Variants in PDCD5 observed in about 807,000 individuals in gnomAD.
PDCD5 encodes the protein programmed cell death 5.
A neutral mutation model predicts 21.9 loss-of-function variants in PDCD5; 23 were observed. That is an observed-to-expected ratio of 1.05 (90% CI 0.76 to 1.49). The LOEUF (loss-of-function observed/expected upper bound fraction) is 1.49, where lower values mean the gene tolerates loss of function less well. Among genes scored for constraint, PDCD5 ranks in the 40% most tolerant of loss-of-function variants. The pLI is 0.00. For synonymous variants in PDCD5, 45 were observed against 49.4 expected (o/e 0.91, Z 0.37); for missense variants, 152 against 147.7 (o/e 1.03, Z -0.15).
At position 32,582,190 on chromosome 19, in the gene PDCD5, T is replaced by TC. The variant is rs71176137; in HGVS notation, c.67-3dup. 1.1e-5 allele frequency: 17 copies of TC among 1,608,542 alleles called. No homozygotes were observed. In the African/African-American group the frequency reaches 1.5e-4, roughly 14 times the overall value. On this transcript the variant is annotated splice_region_variant and splice_polypyrimidine_tract_variant and intron_variant, in intron 1 of 5. Transcript: ENST00000590247. ...CTCTATTAAATTTAAGTTTTTTTTT[T>TC]CCAGGATCCTGGTGATGCGGCCCAA...
chr19:32,586,433 G>C, intron 4 of PDCD5: 1 of 1,127,918 alleles, frequency 8.9e-7, no homozygotes, highest in Non-Finnish European at 1.1e-6. Context: ...AGAACTGCTT[G>C]TGTGGGAGAG....
intron 2 of PDCD5, among the ~76,000 whole-genome samples, chr19:32,583,613 C>T (rs1461207127): frequency 6.6e-6 from 1 of 151,854 alleles, no homozygotes; most frequent in Admixed American, 6.6e-5. Flanking sequence ...TTTAGAGATA[C>T]GTAAAACTAT....
intron 5 of PDCD5, 140 bp downstream of exon 5, chr19:32,587,069 C>A (rs2145243259): frequency 1.1e-6 from 1 of 877,550 alleles, no homozygotes; most frequent in Non-Finnish European, 1.8e-6. Context: ...GGGAGAAAGG[C>A]TGAATCTGTT....
At chr19:32,586,460 C>A in intron 4 of PDCD5, 1 of 1,105,794 alleles carries the variant, frequency 9.0e-7, no homozygotes, top group Admixed American at 4.7e-5. Context: ...TTGGGTTGAT[C>A]TTTTCCGAGT....
At position 32,582,169 on chromosome 19, in the gene PDCD5, A is replaced by C. The variant is rs80289174; in HGVS notation, c.67-26A>C. 8.1e-4 allele frequency: 1,278 copies of C among 1,577,116 alleles called. 14 individuals are homozygous for C. The African/African-American group carries it at 0.016, about 19-fold the overall frequency. On this transcript the variant is annotated intron_variant, in intron 1 of 5. Coordinates refer to ENST00000590247, the MANE Select transcript of PDCD5 (RefSeq NM_004708.4). The stretch of plus-strand genomic sequence containing the variant: ...CCGCCGCCTCCCGTGAAATTTCTCT[A>C]TTAAATTTAAGTTTTTTTTTTCCAG...
chr19:32,587,104 G>A (rs1971484561), intron 5 of PDCD5, 149 bp from the exon 6 acceptor site: 3 of 789,126 alleles, frequency 3.8e-6, no homozygotes, highest in Middle Eastern at 2.4e-4. Flanking sequence ...ATTTTTATAG[G>A]CTCTTGACTC....
rs1043856377 is a variant in PDCD5, at chr19:32,586,888, A to C, written c.289A>C (p.Lys97Gln). 1.2e-6 allele frequency: 2 copies of C among 1,612,050 alleles called. No individual in the cohort carries two copies. The highest frequency in any genetic ancestry group is 1.3e-5 in the African/African-American group (1 of 74,820). ...AGAACAAGGTTTAATAGAAATCCTT[A>C]AAAAAGTAAGCCAACAAACAGAAAA... ...VSEQGLIEIL[K>Q]KVSQQTEKTT... The change falls in exon 5 of 6, where the codon AAA becomes CAA. Residue 97 changes from lysine to glutamine, a missense_variant. By Grantham distance (53) the Lys-to-Gln change is moderately conservative. Transcript: ENST00000590247.
intron 2 of PDCD5, among the ~76,000 whole-genome samples, chr19:32,583,130 C>G (rs2145238796): frequency 6.6e-6 from 1 of 152,236 alleles, no homozygotes; most frequent in Admixed American, 6.5e-5. Flanking sequence ...TTTCTGAGAC[C>G]ATTGAAAGTT....
At chr19:32,586,487 A>T in intron 4 of PDCD5, 1 of 1,101,078 alleles carries the variant, frequency 9.1e-7, no homozygotes, top group Non-Finnish European at 1.1e-6. Context: ...TACCTCCTTC[A>T]AGGGGATGTT....
At chr19:32,583,108 C>T (rs1245392371) in intron 2 of PDCD5, among the ~76,000 whole-genome samples, 6 of 152,198 alleles carry the variant, frequency 3.9e-5, no homozygotes, top group Non-Finnish European at 7.3e-5. Flanking sequence ...ACTCTGCTAT[C>T]ACTTGAGTAC....
intron 4 of PDCD5, 91 bp from the exon 5 acceptor site, chr19:32,586,767 C>G: frequency 2.0e-6 from 3 of 1,498,878 alleles, no homozygotes; most frequent in Non-Finnish European, 2.7e-6. Context: ...TTTCCCCACA[C>G]CTCAAAAAGA....
At chr19:32,585,363 A>T (rs1971466293) in intron 3 of PDCD5, among the ~76,000 whole-genome samples, 1 of 152,168 alleles carries the variant, frequency 6.6e-6, no homozygotes, top group Admixed American at 6.5e-5. Context: ...TGTCAGTTTT[A>T]GTGTATGTTC....
Position 32,581,342 on chromosome 19 carries a change from C to A in PDCD5, c.66+15C>A. 2 of 1,479,072 alleles carry A rather than the reference C, an allele frequency of 1.4e-6. No individual in the cohort carries two copies. The highest frequency in any genetic ancestry group is 1.8e-6 in the Non-Finnish European group (2 of 1,113,856). 91.6% of individuals were successfully genotyped at this position (1,479,072 alleles called of 1,614,324 possible). ...CCAAACACGGGGTGAGCGCATCAGCCCCCGCCAGGCTTGGCCCTCGCGGGG... is the reference window on the plus strand; with the variant it reads ...CCAAACACGGGGTGAGCGCATCAGCACCCGCCAGGCTTGGCCCTCGCGGGG... On this transcript the variant is annotated intron_variant, in intron 1 of 5. Coordinates refer to ENST00000590247, the MANE Select transcript of PDCD5 (RefSeq NM_004708.4).
At chr19:32,586,160 G>C in intron 4 of PDCD5, 1 of 1,466,332 alleles carries the variant, frequency 6.8e-7, no homozygotes, top group Non-Finnish European at 9.0e-7. Context: ...GGGTCAGCTA[G>C]CTTCAATTGC....
intron 3 of PDCD5, 22 bp downstream of exon 3, chr19:32,585,033 T>C (rs745655506): frequency 1.9e-6 from 3 of 1,590,294 alleles, no homozygotes; most frequent in Non-Finnish European, 2.6e-6. Context: ...TGATTTCATT[T>C]CCATAAAGTT....
rs373845268 is a variant in PDCD5, at chr19:32,581,916, A to G, written c.67-279A>G. 5.3e-5 allele frequency among the ~76,000 whole-genome samples: 8 copies of G among 152,256 alleles called. No homozygotes were observed. The South Asian group carries it at 1.5e-3, about 28-fold the overall frequency. On this transcript the variant is annotated intron_variant, in intron 1 of 5. Transcript: ENST00000590247. The stretch of plus-strand genomic sequence containing the variant: ...TACCGAGGCCCGTTTTATTTTCCAG[A>G]AATTATTCCTACATGTGAAACACGG...
chr19:32,581,247 C>G lies in PDCD5; in HGVS notation c.-15C>G, dbSNP rs772392540. On this transcript the variant is annotated 5_prime_UTR_variant, in exon 1 of 6. Transcript: ENST00000590247. ...GCGAGAGTGACCGCGGCTGCTCCAG[C>G]GCTGACGCCGAGCCATGGCGGACGA... 4.7e-6 allele frequency: 7 copies of G among 1,493,836 alleles called. No individual in the cohort carries two copies. The highest frequency in any genetic ancestry group is 4.5e-6 in the Non-Finnish European group (5 of 1,120,892). The allele number at this position is 1,493,836 out of a possible 1,614,324, so 92.5% of individuals were successfully genotyped here.
chr19:32,584,888 A>G (rs1333923782), intron 2 of PDCD5, 62 bp from the exon 3 acceptor site: 1 of 1,343,696 alleles, frequency 7.4e-7, no homozygotes, highest in Non-Finnish European at 1.1e-6. Context: ...TCTTTCTCGT[A>G]TGTTACATGG....
At chr19:32,585,679 AG>A (rs1180317409) in intron 3 of PDCD5, 136 bp from the exon 4 acceptor site, 5 of 623,346 alleles carry the variant, frequency 8.0e-6, no homozygotes, top group Non-Finnish European at 8.7e-6. Context: ...TTTTAAGAGG[AG>A]TAACAATACT....
Sources: gnomAD v4.1 joint callset for allele counts (sites outside exome capture counted in the v4.1 genomes callset) on GRCh38, gnomAD v4.1.1 for gene constraint, MANE v1.5 for transcripts, NCBI Gene and HGNC (gene_info 2026-07-23, HGNC 2026-07-21) for gene names.